The following UBN2 variants were observed in gnomAD, a reference collection of about 807,000 sequenced individuals.
UBN2 encodes the protein ubinuclein-2.
In UBN2, 35 loss-of-function variants were observed where a neutral mutation model predicts 120.2. The observed-to-expected ratio is 0.29, with a 90% CI of 0.22 to 0.39. The LOEUF (loss-of-function observed/expected upper bound fraction) is 0.39, where lower values mean the gene tolerates loss of function less well. Among genes scored for constraint, UBN2 ranks in the 10% least tolerant of loss-of-function variants. The pLI is 1.00. For synonymous variants in UBN2, 661 were observed against 648.7 expected (o/e 1.02, Z -0.29); for missense variants, 1,693 against 1,663.2 (o/e 1.02, Z -0.31).
chr7:139,268,079 G>GA (rs1447738007), intron 7 of UBN2, among the ~76,000 whole-genome samples: 8 of 152,190 alleles, frequency 5.3e-5, no homozygotes, highest in African/African-American at 1.9e-4. Context: ...CTGTAAAAGG[G>GA]AACAACTGTT....
the UBN2 span, among the ~76,000 whole-genome samples, chr7:139,325,788 A>G: frequency 6.6e-6 from 1 of 152,220 alleles, no homozygotes; most frequent in South Asian, 2.1e-4. Flanking sequence ...TTCGCTGGGC[A>G]TAGTAAACTG....
At chr7:139,266,245 A>AAT in intron 6 of UBN2, 88 bp from the exon 7 acceptor site, 1 of 794,946 alleles carries the variant, frequency 1.3e-6, no homozygotes. Context: ...AAAAAAAAAA[A>AAT]GAAAAAAACC....
At chr7:139,327,170 A>G in the UBN2 span, among the ~76,000 whole-genome samples, 1 of 152,120 alleles carries the variant, frequency 6.6e-6, no homozygotes, top group Non-Finnish European at 1.5e-5. Flanking sequence ...AGTAGCTAGG[A>G]TTACAGGCAT....
intron 3 of UBN2, among the ~76,000 whole-genome samples, chr7:139,254,472 G>A (rs73466691): frequency 0.015 from 2,309 of 152,252 alleles, 57 homozygotes; most frequent in African/African-American, 0.053. Flanking sequence ...TCTTGACCTC[G>A]ATTTGTAACT....
At chr7:139,278,703 A>G (rs1797519058) in intron 12 of UBN2, among the ~76,000 whole-genome samples, 1 of 152,104 alleles carries the variant, frequency 6.6e-6, no homozygotes, top group Non-Finnish European at 1.5e-5. Flanking sequence ...AATCTAATTG[A>G]TGACATTTTA....
At chr7:139,242,058 A>G (rs1047910386) in intron 2 of UBN2, among the ~76,000 whole-genome samples, 2 of 152,156 alleles carry the variant, frequency 1.3e-5, no homozygotes, top group African/African-American at 4.8e-5. Flanking sequence ...GTCTTTCCAG[A>G]TAATGTTTTA....
chr7:139,242,460 A>C (rs759476627), intron 2 of UBN2, among the ~76,000 whole-genome samples: 4 of 152,216 alleles, frequency 2.6e-5, no homozygotes, highest in Admixed American at 6.5e-5. Flanking sequence ...TCTACTTGCA[A>C]AACACAAATA....
chr7:139,241,696 G>A (rs533582885), intron 2 of UBN2, among the ~76,000 whole-genome samples: 2 of 146,454 alleles, frequency 1.4e-5, no homozygotes, highest in East Asian at 3.9e-4. Flanking sequence ...TCTCTAATAA[G>A]AATAAGAATA....
intron 15 of UBN2, among the ~76,000 whole-genome samples, chr7:139,290,372 G>A (rs1797918276): frequency 6.6e-6 from 1 of 152,180 alleles, no homozygotes; most frequent in Non-Finnish European, 1.5e-5. Context: ...GGAAAAGACA[G>A]GCAAATAAGA....
chr7:139,238,812 T>G (rs1236606955), intron 2 of UBN2, among the ~76,000 whole-genome samples: 1 of 152,184 alleles, frequency 6.6e-6, no homozygotes, highest in East Asian at 1.9e-4. Context: ...AATAATAAAT[T>G]TAGGGATAGA....
the UBN2 span, among the ~76,000 whole-genome samples, chr7:139,318,838 C>T: frequency 6.6e-6 from 1 of 152,136 alleles, no homozygotes; most frequent in East Asian, 1.9e-4. Context: ...GGATGGATTT[C>T]AGCCACAAAT....
intron 17 of UBN2, among the ~76,000 whole-genome samples, chr7:139,296,958 G>A (rs927107334): frequency 8.5e-5 from 13 of 152,248 alleles, no homozygotes; most frequent in African/African-American, 3.1e-4. Flanking sequence ...ACTTTGGGAG[G>A]TTGAGGCAGG....
the UBN2 span, among the ~76,000 whole-genome samples, chr7:139,319,185 C>G: frequency 1.3e-5 from 2 of 152,116 alleles, no homozygotes; most frequent in African/African-American, 4.8e-5. Flanking sequence ...CGGGTTCAAG[C>G]GATTTTCCTG....
downstream of UBN2, among the ~76,000 whole-genome samples, chr7:139,309,052 C>G (rs575854896): frequency 1.4e-4 from 21 of 152,074 alleles, no homozygotes; most frequent in South Asian, 4.4e-3. Context: ...GGTGACAGAG[C>G]GAGACTCCGT....
chr7:139,275,514 C>T (rs1275237105), intron 11 of UBN2, among the ~76,000 whole-genome samples: 2 of 150,806 alleles, frequency 1.3e-5, no homozygotes, highest in Non-Finnish European at 2.9e-5. Flanking sequence ...ACCTGGGAGG[C>T]GGAGGTTGCA....
At chr7:139,245,622 G>C (rs954064419) in intron 2 of UBN2, among the ~76,000 whole-genome samples, 1 of 152,134 alleles carries the variant, frequency 6.6e-6, no homozygotes, top group Admixed American at 6.6e-5. Context: ...AACAGAACCT[G>C]TTTGTTTAGT....
rs1798369588 is a variant in UBN2, at chr7:139,307,019, A to C, written c.*9183A>C. On this transcript the variant is annotated 3_prime_UTR_variant, in exon 18 of 18. Transcript: ENST00000473989. The stretch of plus-strand genomic sequence containing the variant: ...ACATACTTCGGTGTGAATTTTGATA[A>C]GGGAAAGACTTGTTTGGTAGCCCAA... 6.6e-6 allele frequency: 1 copy of C among 152,216 alleles called. No individual in the cohort carries two copies. Among genetic ancestry groups the C allele is most frequent in the Non-Finnish European group, 1.5e-5 (1 of 68,036 alleles). The allele number at this position is 152,216 out of a possible 1,614,324, so 9.4% of individuals were successfully genotyped here.
At chr7:139,257,819 AG>A (rs1447256671) in intron 3 of UBN2, among the ~76,000 whole-genome samples, 1 of 151,922 alleles carries the variant, frequency 6.6e-6, no homozygotes, top group Non-Finnish European at 1.5e-5. Flanking sequence ...TTGTTTTTTT[AG>A]ACCGAGTTTC....
chr7:139,324,033 T>C, the UBN2 span, among the ~76,000 whole-genome samples: 6 of 152,202 alleles, frequency 3.9e-5, no homozygotes, highest in Non-Finnish European at 8.8e-5. Flanking sequence ...TCTGAAGTAC[T>C]GTGTGGTAGC....
Sources: gnomAD v4.1 joint callset for allele counts (sites outside exome capture counted in the v4.1 genomes callset) on GRCh38, gnomAD v4.1.1 for gene constraint, MANE v1.5 for transcripts, NCBI Gene and HGNC (gene_info 2026-07-23, HGNC 2026-07-21) for gene names.